The following WFDC3 variants were observed in gnomAD, a reference collection of about 807,000 sequenced individuals.
WFDC3 encodes the protein WAP four-disulfide core domain protein 3.
In WFDC3, 15 loss-of-function variants were observed where a neutral mutation model predicts 25.8. The ratio of observed to expected loss-of-function variants is 0.58; its 90% CI spans 0.39 to 0.89. The LOEUF (loss-of-function observed/expected upper bound fraction) is 0.89. Among genes scored for constraint, WFDC3 ranks in the 40% least tolerant of loss-of-function variants. WFDC3 has a pLI of 0.00. For missense variants in WFDC3, 264 were observed against 289.8 expected, an observed-to-expected ratio of 0.91 and a Z score of 0.65; for synonymous variants, 103 against 107.1, an observed-to-expected ratio of 0.96 and a Z score of 0.24.
chr20:45,781,510 CA>C (rs1980443830), intron 4 of WFDC3, among the ~76,000 whole-genome samples: 1 of 152,112 alleles, frequency 6.6e-6, no homozygotes, highest in Non-Finnish European at 1.5e-5. Context: ...TTTATTACAG[CA>C]AAAGGATACA....
chr20:45,774,500 G>A, intron 6 of WFDC3, 56 bp from the exon 7 acceptor site: 1 of 1,613,310 alleles, frequency 6.2e-7, no homozygotes. Context: ...TCAGCTACCT[G>A]AAATGTTTTC....
intron 2 of WFDC3, 52 bp from the exon 3 acceptor site, chr20:45,789,111 G>T: frequency 6.2e-7 from 1 of 1,604,258 alleles, no homozygotes; most frequent in South Asian, 1.1e-5. Flanking sequence ...CTCAGAAATG[G>T]GGAATGGACC....
intron 1 of WFDC3, chr20:45,790,851 T>G (rs1601020671): frequency 2.1e-6 from 1 of 470,486 alleles, no homozygotes; most frequent in East Asian, 7.0e-5. Flanking sequence ...CACAGGCCAT[T>G]CTTGGACTGT....
chr20:45,784,585 C>G (rs1410418483), intron 4 of WFDC3, among the ~76,000 whole-genome samples: 5 of 152,104 alleles, frequency 3.3e-5, no homozygotes, highest in African/African-American at 1.2e-4. Flanking sequence ...CTACTAAATA[C>G]AAAAAATTAG....
At chr20:45,791,320 A>T in intron 1 of WFDC3, among the ~76,000 whole-genome samples, 1 of 124,610 alleles carries the variant, frequency 8.0e-6, no homozygotes. Flanking sequence ...TTTTTTTGAG[A>T]CAGTCTCCCT....
intron 1 of WFDC3, among the ~76,000 whole-genome samples, chr20:45,791,128 G>A (rs1311016238): frequency 2.0e-5 from 3 of 146,432 alleles, no homozygotes; most frequent in African/African-American, 7.5e-5. Flanking sequence ...GTTGGCTCAT[G>A]GAGATAATTA....
intron 1 of WFDC3, chr20:45,790,847 C>A: frequency 2.1e-6 from 1 of 468,486 alleles, no homozygotes. Context: ...CCCACACAGG[C>A]CATTCTTGGA....
chr20:45,791,418 T>A (rs1980984577), intron 1 of WFDC3, among the ~76,000 whole-genome samples: 1 of 149,576 alleles, frequency 6.7e-6, no homozygotes, highest in Non-Finnish European at 1.5e-5. Context: ...TGCCTCAGCC[T>A]CCCGAGTAGC....
chr20:45,789,749 G>A (rs1164575157), intron 2 of WFDC3, 145 bp downstream of exon 2: 1 of 669,236 alleles, frequency 1.5e-6, no homozygotes, highest in Non-Finnish European at 2.6e-6. Flanking sequence ...GCCATCCTGA[G>A]AATCTATTCA....
At chr20:45,775,689 C>G in intron 5 of WFDC3, 87 bp from the exon 6 acceptor site, 2 of 1,537,336 alleles carry the variant, frequency 1.3e-6, no homozygotes, top group African/African-American at 1.4e-5. Context: ...CACAGAGGCT[C>G]TAGGTCAATC....
chr20:45,774,555 T>C, intron 6 of WFDC3, 111 bp from the exon 7 acceptor site: 2 of 1,413,220 alleles, frequency 1.4e-6, no homozygotes, highest in Non-Finnish European at 2.0e-6. Context: ...TCAAAAGTCT[T>C]AAATAGCTCC....
chr20:45,778,439 C>T (rs1050935587), intron 4 of WFDC3, among the ~76,000 whole-genome samples: 1 of 152,162 alleles, frequency 6.6e-6, no homozygotes, highest in African/African-American at 2.4e-5. Flanking sequence ...ATACTGGATA[C>T]CAAGTTTATT....
intron 2 of WFDC3, among the ~76,000 whole-genome samples, 200 bp downstream of exon 2, chr20:45,789,694 C>A (rs1980858840): frequency 6.6e-6 from 1 of 152,082 alleles, no homozygotes; most frequent in Non-Finnish European, 1.5e-5. Context: ...GAAGTCCTAT[C>A]TCCTTGTCCA....
chr20:45,777,304 T>G, intron 4 of WFDC3, 95 bp from the exon 5 acceptor site: 1 of 1,117,220 alleles, frequency 9.0e-7, no homozygotes, highest in Non-Finnish European at 1.1e-6. Flanking sequence ...AGTTATATAT[T>G]TATATACATA....
chr20:45,777,308 A>G, intron 4 of WFDC3, 99 bp from the exon 5 acceptor site: 1 of 1,152,272 alleles, frequency 8.7e-7, no homozygotes. Context: ...ATATATTTAT[A>G]TACATATATA....
chr20:45,775,402 A>G lies in WFDC3; in HGVS notation c.679+15T>C. On this transcript the variant is annotated intron_variant, in intron 6 of 6. Coordinates refer to ENST00000243938, the MANE Select transcript of WFDC3 (RefSeq NM_080614.2). ...CAGTTGTCTGTTATTGTTGATGACA[A>G]TGGACTGTACTCACCTAATTCGGAA... 3 of 1,612,366 alleles carry G rather than the reference A, an allele frequency of 1.9e-6. No homozygotes were observed. The highest frequency in any genetic ancestry group is 2.5e-6 in the Non-Finnish European group (3 of 1,178,714).
intron 4 of WFDC3, among the ~76,000 whole-genome samples, chr20:45,779,003 C>T (rs1043178056): frequency 6.6e-6 from 1 of 152,184 alleles, no homozygotes; most frequent in Admixed American, 6.5e-5. Context: ...CAGCCAAACA[C>T]ATTTCCTATG....
Position 45,781,171 on chromosome 20 carries a change from C to T in WFDC3, c.359-3962G>A, listed in dbSNP as rs560635265. 5.3e-5 allele frequency among the ~76,000 whole-genome samples: 8 copies of T among 151,868 alleles called. No homozygotes were observed. In the East Asian group the frequency reaches 1.4e-3, roughly 26 times the overall value. ...GGCTGAGGCAGGAGAATTGCTTGAA[C>T]CTGGGAGGCAGAGGTTGCAGTGAGC... is the stretch of plus-strand genomic sequence containing the variant. On this transcript the variant is annotated intron_variant, in intron 4 of 6. Transcript: ENST00000243938.
intron 4 of WFDC3, among the ~76,000 whole-genome samples, chr20:45,782,032 T>G (rs901465203): frequency 6.6e-6 from 1 of 152,174 alleles, no homozygotes; most frequent in Admixed American, 6.5e-5. Flanking sequence ...TACATATATG[T>G]TAATAAGCAA....
Sources: allele counts gnomAD v4.1 joint callset (sites outside exome capture counted in the v4.1 genomes callset), GRCh38; gene constraint gnomAD v4.1.1; transcripts MANE v1.5; gene names NCBI Gene and HGNC (gene_info 2026-07-23, HGNC 2026-07-21).